The following PWWP2A variants were observed in gnomAD, a reference collection of about 807,000 sequenced individuals.
PWWP2A encodes the protein PWWP domain containing 2A.
Under a neutral mutation model 48.5 loss-of-function variants are expected in PWWP2A, and 18 were observed. The ratio of observed to expected loss-of-function variants is 0.37; its 90% CI spans 0.26 to 0.55. PWWP2A has a LOEUF of 0.55. PWWP2A is among the 20% of genes least tolerant of loss of function. The probability of loss-of-function intolerance (pLI) is 0.81; values close to 1 mark genes in which losing one functional copy is unlikely to be tolerated. For synonymous variants in PWWP2A, 396 were observed against 387.7 expected, an observed-to-expected ratio of 1.02 and a Z score of -0.25; for missense variants, 867 against 976.4, an observed-to-expected ratio of 0.89 and a Z score of 1.49.
chr5:160,078,065 T>G lies in PWWP2A; in HGVS notation c.*90A>C. ...CACTGCCTTAACATTTACTTCTTAG[T>G]GCAGCTTTAAAAACTCCAATTTCAT... On this transcript the variant is annotated 3_prime_UTR_variant, in exon 4 of 4. Coordinates refer to the PWWP2A transcript ENST00000456329. The surrounding 1 kb of genome is among the most constrained non-coding windows in gnomAD (Gnocchi z 4.2). 4 of 1,124,832 alleles carry G rather than the reference T, an allele frequency of 3.6e-6. No homozygotes were observed. The highest frequency in any genetic ancestry group is 1.3e-5 in the South Asian group (1 of 74,444). 69.7% of individuals were successfully genotyped at this position (1,124,832 alleles called of 1,614,324 possible).
chr5:160,048,813 T>G, the PWWP2A span, among the ~76,000 whole-genome samples: 3 of 152,174 alleles, frequency 2.0e-5, no homozygotes, highest in African/African-American at 7.2e-5. Context: ...TAGCCGGGCA[T>G]GGTGGCGCAT....
chr5:160,045,511 C>G, the PWWP2A span, among the ~76,000 whole-genome samples: 1 of 62,692 alleles, frequency 1.6e-5, no homozygotes, highest in Non-Finnish European at 3.1e-5. Context: ...CACACACACA[C>G]ACATACACAC....
intron 1 of PWWP2A, among the ~76,000 whole-genome samples, chr5:160,104,102 A>ATG: frequency 7.4e-6 from 1 of 135,720 alleles, no homozygotes; most frequent in East Asian, 2.3e-4. Context: ...CAGCCTGGGC[A>ATG]ACAGAGTGAG....
chr5:160,093,282 G>T lies in PWWP2A; in HGVS notation c.1368C>A (p.Val456=), dbSNP rs367672457. 25 of 1,613,856 alleles carry T rather than the reference G, an allele frequency of 1.5e-5. No homozygotes were observed. In the African/African-American group the frequency reaches 3.2e-4, roughly 21 times the overall value. ...GATTCTGATATCGACGTGTGAAATG[G>T]ACTTTTGAATGTGCATTTTTGGAAG... is the stretch of plus-strand genomic sequence containing the variant. ...TSTSKNAHSK[V]HFTRRYQNPS... The change falls in exon 2 of 2, where the codon GTC becomes GTA. Residue 456 remains valine (V), a synonymous_variant. Coordinates refer to ENST00000307063, the MANE Select transcript of PWWP2A (RefSeq NM_001130864.2). The surrounding 1 kb of genome is among the most constrained non-coding windows in gnomAD (Gnocchi z 5.8).
At chr5:160,110,043 T>TA (rs1465441638) in intron 1 of PWWP2A, among the ~76,000 whole-genome samples, 1 of 150,786 alleles carries the variant, frequency 6.6e-6, no homozygotes, top group African/African-American at 2.4e-5. Flanking sequence ...TTTTTTGAGA[T>TA]AGAGTCTTGC....
chr5:160,118,969 G>A lies in PWWP2A; in HGVS notation c.420C>T (p.Ala140=), dbSNP rs1382937071. 6.3e-7 allele frequency: 1 copy of A among 1,597,934 alleles called. No homozygotes were observed. Among genetic ancestry groups the A allele is most frequent in the African/African-American group, 1.4e-5 (1 of 72,900 alleles). Residue 140 remains alanine, a synonymous_variant, in exon 1 of 2, where the codon GCC becomes GCT. Coordinates refer to ENST00000307063, the MANE Select transcript of PWWP2A (RefSeq NM_001130864.2). ...CGCCCGCCGGCGGCACGAGCGCCGG[G>A]GCTACGGGCTGAGGCAGCGGCGGCT... The part of the protein sequence containing the change: ...REEPPLPQPV[A]PALVPPAGGD...
chr5:160,055,711 A>C, the PWWP2A span, among the ~76,000 whole-genome samples: 1 of 152,244 alleles, frequency 6.6e-6, no homozygotes, highest in East Asian at 1.9e-4. Flanking sequence ...GACGGAGTAT[A>C]GAGGCAGCTC....
intron 2 of PWWP2A, among the ~76,000 whole-genome samples, chr5:160,085,735 C>G (rs1342065248): frequency 6.6e-6 from 1 of 151,086 alleles, no homozygotes. Context: ...TTGAACTCCT[C>G]ACCTCATGAT....
At chr5:160,118,740 C>G in intron 1 of PWWP2A, 65 bp downstream of exon 1, 4 of 1,339,634 alleles carry the variant, frequency 3.0e-6, no homozygotes, top group Non-Finnish European at 3.9e-6. Context: ...GAGAGGGGGC[C>G]GCCCGGGCTC....
At chr5:160,067,411 C>T (rs998910542) in intron 2 of PWWP2A, among the ~76,000 whole-genome samples, 2 of 152,182 alleles carry the variant, frequency 1.3e-5, no homozygotes, top group Non-Finnish European at 2.9e-5. Flanking sequence ...GCCTTGAGCT[C>T]AATGGCTGAG....
chr5:160,118,693 G>A, intron 1 of PWWP2A, 112 bp downstream of exon 1: 2 of 1,119,930 alleles, frequency 1.8e-6, no homozygotes, highest in Non-Finnish European at 2.4e-6. Context: ...AGGACCAGAG[G>A]GCGGGGCCCC....
downstream of PWWP2A, among the ~76,000 whole-genome samples, chr5:160,087,808 A>G (rs1373402162): frequency 6.6e-6 from 1 of 152,254 alleles, no homozygotes; most frequent in African/African-American, 2.4e-5. Context: ...GGAAAGGAAA[A>G]CAAAAATCCT....
intron 1 of PWWP2A, among the ~76,000 whole-genome samples, chr5:160,113,949 T>C (rs972435486): frequency 1.3e-5 from 2 of 152,186 alleles, no homozygotes; most frequent in African/African-American, 2.4e-5. Context: ...ACAAGTTAAC[T>C]GGCCAAATTA....
At position 160,093,321 on chromosome 5, in the gene PWWP2A, T is replaced by C. The variant is rs1338264130; in HGVS notation, c.1329A>G (p.Gln443=). 2 of 1,613,898 alleles carry C rather than the reference T, an allele frequency of 1.2e-6. No homozygotes were observed. The highest frequency in any genetic ancestry group is 1.1e-5 in the South Asian group (1 of 91,068). The part of the protein sequence containing the change: ...KIAKEKAQKK[Q]NETSTSKNAH... ...CATTTTTGGAAGTAGAGGTTTCATT[T>C]TGCTTCTTTTGTGCCTTTTCTTTGG... The change falls in exon 2 of 2, where the codon CAA becomes CAG. Residue 443 remains glutamine, a synonymous_variant. Coordinates refer to ENST00000307063, the MANE Select transcript of PWWP2A (RefSeq NM_001130864.2). The surrounding 1 kb of genome is among the most constrained non-coding windows in gnomAD (Gnocchi z 5.8).
At chr5:160,103,926 A>T (rs1160511719) in intron 1 of PWWP2A, among the ~76,000 whole-genome samples, 2 of 151,874 alleles carry the variant, frequency 1.3e-5, no homozygotes, top group Admixed American at 6.6e-5. Context: ...GTTCAAGACC[A>T]GCCTGGCCAA....
chr5:160,111,445 G>A (rs1311645956), intron 1 of PWWP2A, among the ~76,000 whole-genome samples: 2 of 152,012 alleles, frequency 1.3e-5, no homozygotes, highest in African/African-American at 4.8e-5. Context: ...TGGTATTACA[G>A]GCGTGAGCCA....
At chr5:160,088,128 A>G (rs1754785520), downstream of PWWP2A, among the ~76,000 whole-genome samples, 1 of 152,212 alleles carries the variant, frequency 6.6e-6, no homozygotes, top group Non-Finnish European at 1.5e-5. Flanking sequence ...CTAAATCAGA[A>G]CCAGGTAAAA....
rs1245857915 is a variant in PWWP2A at position 160,078,711 on chromosome 5, G to A, written c.1670-543C>T. On this transcript the variant is annotated intron_variant, in intron 3 of 3. Coordinates refer to the PWWP2A transcript ENST00000456329. This position sits in a 1 kb window ranked among gnomAD's most constrained non-coding sequence, Gnocchi z 4.2. ...GAGCAAAATAAGAAGGGAATGGAGG[G>A]TGCCTCCCCAGAAGTAGACACAGCA... Among the ~76,000 whole-genome samples the A allele has an allele frequency of 6.6e-6, 1 of 152,132 alleles. No homozygotes were observed. Among genetic ancestry groups the A allele is most frequent in the African/African-American group, 2.4e-5 (1 of 41,430 alleles).
At chr5:160,104,728 C>T (rs1276589790) in intron 1 of PWWP2A, among the ~76,000 whole-genome samples, 1 of 152,078 alleles carries the variant, frequency 6.6e-6, no homozygotes, top group Non-Finnish European at 1.5e-5. Context: ...TTGCCTGAAC[C>T]CAGGAGGCAG....
Sources: gnomAD v4.1 joint callset for allele counts (sites outside exome capture counted in the v4.1 genomes callset) on GRCh38, gnomAD v4.1.1 for gene constraint, Gnocchi (gnomAD v3.1) non-coding constraint, MANE v1.5 for transcripts, NCBI Gene and HGNC (gene_info 2026-07-23, HGNC 2026-07-21) for gene names.